Variants in PTPRD observed in about 807,000 individuals in gnomAD.
PTPRD encodes receptor-type tyrosine-protein phosphatase delta.
A neutral mutation model predicts 214.5 loss-of-function variants in PTPRD; 34 were observed. The ratio of observed to expected loss-of-function variants is 0.16; its 90% CI spans 0.12 to 0.21. PTPRD has a LOEUF of 0.21. Among genes scored for constraint, PTPRD ranks in the 10% least tolerant of loss-of-function variants. The probability of loss-of-function intolerance (pLI) is 1.00; values close to 1 mark genes in which losing one functional copy is unlikely to be tolerated. For missense variants in PTPRD, 2,545 were observed against 2,398.7 expected, an observed-to-expected ratio of 1.06 and a Z score of -1.27; for synonymous variants, 1,128 against 845.7, an observed-to-expected ratio of 1.33 and a Z score of -5.79.
chr9:8,474,345 T>C (rs2096720368), intron 30 of PTPRD, among the ~76,000 whole-genome samples: 1 of 152,090 alleles, frequency 6.6e-6, no homozygotes, highest in African/African-American at 2.4e-5. Context: ...CTCCAAACTC[T>C]GTCATCATCC....
intron 12 of PTPRD, among the ~76,000 whole-genome samples, chr9:8,679,113 T>C (rs2097498729): frequency 6.6e-6 from 1 of 152,104 alleles, no homozygotes; most frequent in Non-Finnish European, 1.5e-5. Flanking sequence ...TAGCAACCAT[T>C]AGCCTCAACA....
At chr9:9,851,422 A>G (rs2060525549) in intron 5 of PTPRD, among the ~76,000 whole-genome samples, 1 of 152,226 alleles carries the variant, frequency 6.6e-6, no homozygotes, top group African/African-American at 2.4e-5. Flanking sequence ...TAGAATGTAC[A>G]TTATAAAGAT....
intron 14 of PTPRD, among the ~76,000 whole-genome samples, chr9:8,577,801 G>A (rs12344930): frequency 0.39 from 58,545 of 151,852 alleles, 11,548 homozygotes; most frequent in African/African-American, 0.48. Context: ...GCAAAATCTC[G>A]GGCCCTACTC....
chr9:9,466,750 T>A (rs540992285), intron 8 of PTPRD, among the ~76,000 whole-genome samples: 1 of 152,170 alleles, frequency 6.6e-6, no homozygotes, highest in African/African-American at 2.4e-5. Context: ...TTTCCTGGAC[T>A]TTTTGATTTT....
chr9:9,986,230 T>C (rs930697097), intron 4 of PTPRD, among the ~76,000 whole-genome samples: 13 of 152,158 alleles, frequency 8.5e-5, no homozygotes, highest in Admixed American at 7.2e-4. Flanking sequence ...GTTGTATTTC[T>C]TCTGATCCAA....
At chr9:8,510,629 G>C (rs1032253789) in intron 21 of PTPRD, among the ~76,000 whole-genome samples, 1 of 152,116 alleles carries the variant, frequency 6.6e-6, no homozygotes, top group African/African-American at 2.4e-5. Flanking sequence ...GCTAGATTCA[G>C]CATATGGGCC....
intron 6 of PTPRD, among the ~76,000 whole-genome samples, chr9:9,739,629 A>T (rs2821463): frequency 0.51 from 75,459 of 149,404 alleles, 22,622 homozygotes; most frequent in African/African-American, 0.84. Flanking sequence ...CAGTTTATTT[A>T]AAAAAAAAAG....
intron 8 of PTPRD, among the ~76,000 whole-genome samples, chr9:9,567,804 C>T (rs1234152963): frequency 2.6e-5 from 4 of 151,836 alleles, no homozygotes; most frequent in Admixed American, 2.6e-4. Flanking sequence ...CTGGTCTAAG[C>T]CAATAGTAAA....
intron 2 of PTPRD, among the ~76,000 whole-genome samples, chr9:10,454,853 T>C (rs2098894528): frequency 1.3e-5 from 2 of 151,152 alleles, no homozygotes; most frequent in Non-Finnish European, 3.0e-5. Flanking sequence ...ACACATATAA[T>C]AGAAAACTCT....
intron 4 of PTPRD, among the ~76,000 whole-genome samples, chr9:9,989,037 A>AAAAAAAAAAAAAAAAAAC (rs1555436290): frequency 8.2e-6 from 1 of 121,364 alleles, no homozygotes; most frequent in Non-Finnish European, 1.9e-5. Context: ...AAAAAAAAAA[A>AAAAAAAAAAAAAAAAAAC]AAAAAAAACC....
At chr9:9,740,094 A>G (rs955594039) in intron 6 of PTPRD, among the ~76,000 whole-genome samples, 1 of 152,130 alleles carries the variant, frequency 6.6e-6, no homozygotes, top group Non-Finnish European at 1.5e-5. Context: ...TTTTTTATGA[A>G]TGCTCTATAT....
At chr9:8,354,125 T>C (rs2076379978) in intron 39 of PTPRD, among the ~76,000 whole-genome samples, 2 of 151,638 alleles carry the variant, frequency 1.3e-5, no homozygotes, top group South Asian at 4.1e-4. Context: ...TAATACCTTA[T>C]TTATATTTAT....
intron 5 of PTPRD, among the ~76,000 whole-genome samples, chr9:9,902,822 C>A (rs1373643231): frequency 1.3e-5 from 2 of 152,096 alleles, no homozygotes; most frequent in Non-Finnish European, 2.9e-5. Flanking sequence ...TTTCCAAGCA[C>A]ACTGTAGTAT....
intron 3 of PTPRD, among the ~76,000 whole-genome samples, chr9:10,322,754 A>G (rs1186100099): frequency 3.3e-5 from 5 of 152,060 alleles, no homozygotes; most frequent in African/African-American, 1.2e-4. Flanking sequence ...CTTAGCAGAG[A>G]GACAGCAAGA....
At chr9:9,891,475 T>C (rs1443250904) in intron 5 of PTPRD, among the ~76,000 whole-genome samples, 1 of 152,086 alleles carries the variant, frequency 6.6e-6, no homozygotes, top group Non-Finnish European at 1.5e-5. Context: ...TAGACCATTA[T>C]TTCTTCTGTC....
chr9:8,963,626 CT>C (rs374715812), intron 11 of PTPRD, among the ~76,000 whole-genome samples: 70 of 147,866 alleles, frequency 4.7e-4, no homozygotes, highest in South Asian at 4.3e-3. Context: ...TCACAATTAA[CT>C]TTTTTTTTTT....
chr9:8,864,891 T>G (rs1312946954), intron 11 of PTPRD, among the ~76,000 whole-genome samples: 1 of 152,234 alleles, frequency 6.6e-6, no homozygotes, highest in Non-Finnish European at 1.5e-5. Context: ...TTTCTCTTTG[T>G]CTTATACTTC....
chr9:9,049,927 T>A (rs1188237505), intron 10 of PTPRD, among the ~76,000 whole-genome samples: 2 of 152,182 alleles, frequency 1.3e-5, no homozygotes, highest in African/African-American at 4.8e-5. Context: ...ACAGTGACAT[T>A]AATGGTTCCT....
At chr9:9,742,263 C>T (rs142183389) in intron 6 of PTPRD, among the ~76,000 whole-genome samples, 17 of 152,112 alleles carry the variant, frequency 1.1e-4, no homozygotes, top group African/African-American at 2.9e-4. Context: ...AAGGAAGAGA[C>T]GTGCAAGGAA....
Sources: gnomAD v4.1 joint callset for allele counts (sites outside exome capture counted in the v4.1 genomes callset) on GRCh38, gnomAD v4.1.1 for gene constraint, MANE v1.5 for transcripts, NCBI Gene and HGNC (gene_info 2026-07-23, HGNC 2026-07-21) for gene names.